Variants in ZNF664 observed in about 807,000 individuals in gnomAD.
ZNF664 encodes zinc finger protein 664, also known as zinc finger Organ of Corti 1.
Under a neutral mutation model 18.2 loss-of-function variants are expected in ZNF664, and 10 were observed. The observed-to-expected ratio is 0.55, with a 90% CI of 0.34 to 0.93. The LOEUF (loss-of-function observed/expected upper bound fraction) is 0.93. Among genes scored for constraint, ZNF664 ranks in the 40% least tolerant of loss-of-function variants. The probability of loss-of-function intolerance (pLI) is 0.02; values close to 1 mark genes in which losing one functional copy is unlikely to be tolerated. For synonymous variants in ZNF664, 119 were observed against 104.2 expected, an observed-to-expected ratio of 1.14 and a Z score of -0.86; for missense variants, 193 against 319.0, an observed-to-expected ratio of 0.61 and a Z score of 3.01.
At chr12:123,998,884 C>G (rs1486813414) in intron 3 of ZNF664, 1 of 152,558 alleles carries the variant, frequency 6.6e-6, no homozygotes, top group East Asian at 1.9e-4. Context: ...ACTGTTGCCT[C>G]AATAACACCT....
intron 3 of ZNF664, among the ~76,000 whole-genome samples, chr12:124,000,891 A>G (rs889600507): frequency 6.6e-6 from 1 of 152,140 alleles, no homozygotes; most frequent in African/African-American, 2.4e-5. Context: ...GTTACCATCT[A>G]AATGTTAACG....
At chr12:123,997,327 T>C (rs1476032155) in intron 3 of ZNF664, among the ~76,000 whole-genome samples, 1 of 152,188 alleles carries the variant, frequency 6.6e-6, no homozygotes, top group Non-Finnish European at 1.5e-5. Flanking sequence ...TGTAGTTTCC[T>C]TGGGCTGCTG....
At position 123,988,289 on chromosome 12, in the gene ZNF664, C is replaced by T. The variant is rs913635939; in HGVS notation, c.-661+151C>T. ...TCCGTGCACGCTCTTCCTGACCTCT[C>T]GCCTTTATCTGGCATTGGATTCCCC... On this transcript the variant is annotated intron_variant, in intron 3 of 4. Coordinates refer to ENST00000337815, the MANE Select transcript of ZNF664 (RefSeq NM_152437.3). 2.7e-5 allele frequency: 16 copies of T among 589,870 alleles called. No individual in the cohort carries two copies. In the South Asian group the frequency reaches 4.6e-4, roughly 17 times the overall value. The allele number at this position is 589,870 out of a possible 1,614,324, so 36.5% of individuals were successfully genotyped here.
chr12:123,988,951 A>G (rs983663653), intron 3 of ZNF664, among the ~76,000 whole-genome samples: 41 of 152,198 alleles, frequency 2.7e-4, no homozygotes, highest in African/African-American at 9.7e-4. Flanking sequence ...CAGGAAGAGA[A>G]AGGAAAGCCC....
intron 2 of ZNF664, among the ~76,000 whole-genome samples, chr12:123,987,442 T>C (rs1333599786): frequency 6.6e-6 from 1 of 152,244 alleles, no homozygotes; most frequent in Admixed American, 6.5e-5. Context: ...GTTGAGCCCT[T>C]GAAATTTGCC....
At position 124,014,938 on chromosome 12, in the gene ZNF664, A is replaced by G. The variant is rs1389732990; in HGVS notation, c.*2008A>G. On this transcript the variant is annotated 3_prime_UTR_variant, in exon 5 of 5. Transcript: ENST00000337815. ...GATACTTTTCCTCCTTTTTACAAAG[A>G]GAGGGCTGGCTTAGTTATTTGCCAA... The G allele has an allele frequency of 6.0e-6, 1 of 167,102 alleles. No individual in the cohort carries two copies. The highest frequency in any genetic ancestry group is 1.5e-5 in the Non-Finnish European group (1 of 68,130). 10.4% of individuals were successfully genotyped at this position (167,102 alleles called of 1,614,324 possible).
chr12:123,973,562 C>G (rs1169756893), intron 1 of ZNF664: 1 of 338,006 alleles, frequency 3.0e-6, no homozygotes, highest in East Asian at 1.7e-4. Flanking sequence ...GAAGCCGCCC[C>G]TCGGGCCTCG....
At chr12:123,987,755 G>C (rs1378050345) in intron 2 of ZNF664, among the ~76,000 whole-genome samples, 1 of 152,126 alleles carries the variant, frequency 6.6e-6, no homozygotes, top group Non-Finnish European at 1.5e-5. Context: ...TTTTGGATCT[G>C]GTTCCCATCA....
At chr12:124,010,418 C>T (rs1438099929) in intron 3 of ZNF664, among the ~76,000 whole-genome samples, 2 of 152,112 alleles carry the variant, frequency 1.3e-5, no homozygotes, top group African/African-American at 4.8e-5. Flanking sequence ...AGTCCTAAAC[C>T]TTAAAAGATT....
chr12:124,000,220 A>G (rs1350560298), intron 3 of ZNF664, among the ~76,000 whole-genome samples: 1 of 152,070 alleles, frequency 6.6e-6, no homozygotes, highest in Non-Finnish European at 1.5e-5. Context: ...CCCACCCTCC[A>G]GACAACCATC....
At chr12:124,011,489 A>G (rs867034155) in intron 4 of ZNF664, 48 bp downstream of exon 4, 6 of 809,234 alleles carry the variant, frequency 7.4e-6, no homozygotes, top group East Asian at 2.3e-4. Flanking sequence ...TTTGGAATCA[A>G]TAGCAGTTTT....
intron 3 of ZNF664, 62 bp downstream of exon 3, chr12:123,988,200 G>A (rs562123271): frequency 1.6e-6 from 2 of 1,228,762 alleles, no homozygotes; most frequent in South Asian, 8.3e-5. Context: ...AGTATTTTAA[G>A]CCAAAGCTGT....
At chr12:123,973,757 G>C in intron 1 of ZNF664, 129 bp from the exon 2 acceptor site, 1 of 1,224,076 alleles carries the variant, frequency 8.2e-7, no homozygotes, top group Non-Finnish European at 1.0e-6. Context: ...CGCCCTCGTC[G>C]CCCGTGGAGC....
intron 3 of ZNF664, among the ~76,000 whole-genome samples, chr12:124,002,377 A>G (rs79418918): frequency 0.01 from 1,561 of 152,336 alleles, 21 homozygotes; most frequent in African/African-American, 0.035. Flanking sequence ...TGTGTGTTCT[A>G]AAGAGCAATG....
intron 2 of ZNF664, among the ~76,000 whole-genome samples, chr12:123,975,574 A>T (rs1956680361): frequency 6.6e-6 from 1 of 152,164 alleles, no homozygotes; most frequent in East Asian, 1.9e-4. Flanking sequence ...GACTACAACC[A>T]TGTGCCACCA....
intron 2 of ZNF664, among the ~76,000 whole-genome samples, chr12:123,982,495 G>T (rs181370856): frequency 1.6e-4 from 25 of 152,242 alleles, no homozygotes; most frequent in African/African-American, 4.1e-4. Flanking sequence ...GTGACCCCAG[G>T]TGGTCACTCT....
intron 2 of ZNF664, among the ~76,000 whole-genome samples, chr12:123,980,375 A>G (rs1956749434): frequency 6.6e-6 from 1 of 152,176 alleles, no homozygotes; most frequent in Non-Finnish European, 1.5e-5. Context: ...AGGATGTGGT[A>G]AAAATGACAC....
chr12:124,012,028 A>G lies in ZNF664; in HGVS notation c.-117A>G. 6.9e-7 allele frequency: 1 copy of G among 1,457,276 alleles called. No individual in the cohort carries two copies. Among genetic ancestry groups the G allele is most frequent in the Non-Finnish European group, 9.0e-7 (1 of 1,113,996 alleles). 90.3% of individuals were successfully genotyped at this position (1,457,276 alleles called of 1,614,324 possible). A position where few individuals can be genotyped will look rare whatever the true frequency, so the allele number is the denominator to read the frequency against. Reference sequence around the variant, plus strand: ...TGACCTTAAACTTACCTAATAGAGCAAGCCTGAGATAGACTGCCAAAATGG... The same window carrying G: ...TGACCTTAAACTTACCTAATAGAGCGAGCCTGAGATAGACTGCCAAAATGG... On this transcript the variant is annotated 5_prime_UTR_variant, in exon 5 of 5. Transcript: ENST00000337815.
At chr12:123,994,974 G>A (rs996486323) in intron 3 of ZNF664, among the ~76,000 whole-genome samples, 2 of 152,202 alleles carry the variant, frequency 1.3e-5, no homozygotes, top group Non-Finnish European at 1.5e-5. Flanking sequence ...GGTTTCAGCT[G>A]GGGCATAACT....
Sources: allele counts gnomAD v4.1 joint callset (sites outside exome capture counted in the v4.1 genomes callset), GRCh38; gene constraint gnomAD v4.1.1; transcripts MANE v1.5; gene names NCBI Gene and HGNC (gene_info 2026-07-23, HGNC 2026-07-21).